Variants in SCNN1B observed in about 807,000 individuals in gnomAD.
SCNN1B encodes epithelial sodium channel subunit beta.
In SCNN1B, 46 loss-of-function variants were observed where a neutral mutation model predicts 65.3. The ratio of observed to expected loss-of-function variants is 0.70; its 90% CI spans 0.56 to 0.90. SCNN1B has a LOEUF of 0.90. SCNN1B is among the 40% of genes least tolerant of loss of function. SCNN1B has a pLI of 0.00. For synonymous variants in SCNN1B, 349 were observed against 330.6 expected (o/e 1.06, Z -0.60); for missense variants, 751 against 830.5 (o/e 0.90, Z 1.18).
intron 4 of SCNN1B, among the ~76,000 whole-genome samples, chr16:23,366,251 C>A (rs768514564): frequency 1.3e-5 from 2 of 152,106 alleles, no homozygotes; most frequent in Non-Finnish European, 2.9e-5. Context: ...GTTGCCCAGG[C>A]AGGAGTACAG....
intron 4 of SCNN1B, among the ~76,000 whole-genome samples, chr16:23,356,178 GGGGT>G (rs1457645305): frequency 2.0e-5 from 3 of 152,178 alleles, no homozygotes; most frequent in Non-Finnish European, 4.4e-5. Flanking sequence ...CTAGCAGCTG[GGGGT>G]GGGTGCACCA....
intron 2 of SCNN1B, among the ~76,000 whole-genome samples, chr16:23,293,184 T>A (rs1464095085): frequency 7.1e-6 from 1 of 141,348 alleles, no homozygotes; most frequent in African/African-American, 2.6e-5. Flanking sequence ...CCAAAAGAAT[T>A]GAAACCAGTG....
At chr16:23,305,419 A>G (rs1466377516) in intron 1 of SCNN1B, among the ~76,000 whole-genome samples, 2 of 149,324 alleles carry the variant, frequency 1.3e-5, no homozygotes, top group African/African-American at 4.9e-5. Context: ...TTGGGAGACC[A>G]AGGAGGGTGG....
chr16:23,294,859 G>A (rs961212357), intron 2 of SCNN1B, among the ~76,000 whole-genome samples: 14 of 152,002 alleles, frequency 9.2e-5, no homozygotes, highest in African/African-American at 3.4e-4. Context: ...CAGGCATGGT[G>A]GCGCGCGCCT....
chr16:23,338,882 T>A (rs1380557523), intron 1 of SCNN1B, among the ~76,000 whole-genome samples: 2 of 152,264 alleles, frequency 1.3e-5, no homozygotes, highest in African/African-American at 4.8e-5. Context: ...TATTGAGACA[T>A]AATTTACATA....
chr16:23,357,076 G>C (rs1302443393), intron 4 of SCNN1B, among the ~76,000 whole-genome samples: 2 of 152,206 alleles, frequency 1.3e-5, no homozygotes, highest in Admixed American at 1.3e-4. Flanking sequence ...TCTGAGATTC[G>C]ATGGTATCCT....
intron 1 of SCNN1B, among the ~76,000 whole-genome samples, chr16:23,311,854 G>C (rs1961350418): frequency 6.6e-6 from 1 of 152,198 alleles, no homozygotes; most frequent in Non-Finnish European, 1.5e-5. Context: ...AGGAGATAGG[G>C]AAGAGGGGGA....
At chr16:23,325,903 A>AAAT (rs1186837323) in intron 1 of SCNN1B, among the ~76,000 whole-genome samples, 3 of 126,422 alleles carry the variant, frequency 2.4e-5, no homozygotes, top group African/African-American at 3.8e-5. Flanking sequence ...ATAAATAAAT[A>AAAT]AATAAATAAA....
intron 1 of SCNN1B, among the ~76,000 whole-genome samples, chr16:23,308,352 A>G (rs926391383): frequency 9.2e-5 from 14 of 152,190 alleles, no homozygotes; most frequent in African/African-American, 3.4e-4. Flanking sequence ...GCAAGACTCC[A>G]TCTCTGTACA....
At chr16:23,284,418 A>T (rs1960823909) in intron 2 of SCNN1B, among the ~76,000 whole-genome samples, 1 of 152,116 alleles carries the variant, frequency 6.6e-6, no homozygotes. Context: ...AAAATAAATA[A>T]ATAAAAATAA....
intron 7 of SCNN1B, among the ~76,000 whole-genome samples, chr16:23,375,433 G>A (rs570107042): frequency 1.3e-4 from 20 of 152,252 alleles, no homozygotes; most frequent in African/African-American, 4.6e-4. Context: ...GGGGCAAGCC[G>A]CTCTTCCCCA....
intron 2 of SCNN1B, among the ~76,000 whole-genome samples, chr16:23,296,798 G>A (rs887213845): frequency 1.3e-5 from 2 of 151,990 alleles, no homozygotes; most frequent in Non-Finnish European, 2.9e-5. Flanking sequence ...TCAGGAGATC[G>A]GGACCATTCT....
intron 3 of SCNN1B, among the ~76,000 whole-genome samples, chr16:23,354,409 G>A (rs562167790): frequency 7.2e-5 from 11 of 152,240 alleles, no homozygotes; most frequent in South Asian, 4.1e-4. Context: ...TTCTCTATCC[G>A]GCTTCCCGGG....
intron 1 of SCNN1B, among the ~76,000 whole-genome samples, chr16:23,283,335 C>G (rs188827142): frequency 4.4e-4 from 67 of 152,314 alleles, no homozygotes; most frequent in Admixed American, 2.5e-3. Flanking sequence ...CTCTTGAACT[C>G]GAGAGGCAGA....
chr16:23,365,224 A>G (rs1962624103), intron 4 of SCNN1B, among the ~76,000 whole-genome samples: 1 of 151,918 alleles, frequency 6.6e-6, no homozygotes, highest in Non-Finnish European at 1.5e-5. Context: ...TCCAGGAGGC[A>G]GAGGTTACAG....
chr16:23,364,431 G>A (rs998136871), intron 4 of SCNN1B, among the ~76,000 whole-genome samples: 1 of 152,122 alleles, frequency 6.6e-6, no homozygotes, highest in Non-Finnish European at 1.5e-5. Context: ...CTAGAGTGTC[G>A]CTGGAGTGTA....
chr16:23,334,158 C>T (rs1027898493), intron 1 of SCNN1B, among the ~76,000 whole-genome samples: 4 of 152,156 alleles, frequency 2.6e-5, no homozygotes, highest in Non-Finnish European at 5.9e-5. Context: ...CAGCCACATT[C>T]CCCAGACACC....
intron 1 of SCNN1B, among the ~76,000 whole-genome samples, chr16:23,317,944 G>A (rs1366317859): frequency 6.6e-6 from 1 of 152,222 alleles, no homozygotes; most frequent in Admixed American, 6.5e-5. Context: ...ACACAGGGCT[G>A]CCCTGCCAGC....
At position 23,346,200 on chromosome 16, in the gene SCNN1B, C is replaced by CTTTTTTTTTTTTTTT. The variant is rs753802362; in HGVS notation, c.-8-2377_-8-2363dup. Among the ~76,000 whole-genome samples the CTTTTTTTTTTTTTTT allele has an allele frequency of 6.9e-4, 54 of 78,008 alleles. 9 individuals carry two copies. Among genetic ancestry groups the CTTTTTTTTTTTTTTT allele is most frequent in the Middle Eastern group, 0.011 (1 of 92 alleles). The allele number at this position is 78,008 out of a possible 152,430, so 51.2% of individuals were successfully genotyped here. On this transcript the variant is annotated intron_variant, in intron 1 of 12. Coordinates refer to ENST00000343070, the MANE Select transcript of SCNN1B (RefSeq NM_000336.3). ...CCATGGAACACCCTTTTTTCCTTTT[C>CTTTTTTTTTTTTTTT]TTTTTTTTTTTTTTTTTTTTTTTTT...
Sources: gnomAD v4.1 joint callset for allele counts (sites outside exome capture counted in the v4.1 genomes callset) on GRCh38, gnomAD v4.1.1 for gene constraint, MANE v1.5 for transcripts, NCBI Gene and HGNC (gene_info 2026-07-23, HGNC 2026-07-21) for gene names.